Variants in MBD5 observed in about 807,000 individuals in gnomAD.
MBD5 encodes methyl-CpG binding domain protein 5.
Under a neutral mutation model 117.3 loss-of-function variants are expected in MBD5, and 13 were observed. The ratio of observed to expected loss-of-function variants is 0.11; its 90% CI spans 0.07 to 0.18. MBD5 has a LOEUF of 0.18. Ranked by LOEUF, MBD5 falls within the 10% of genes least tolerant of loss-of-function variation. The pLI is 1.00. For missense variants in MBD5, 1,879 were observed against 2,093.8 expected (o/e 0.90, Z 2.00); for synonymous variants, 727 against 766.4 (o/e 0.95, Z 0.85).
At chr2:148,311,198 C>T (rs933708054) in intron 3 of MBD5, among the ~76,000 whole-genome samples, 18 of 152,206 alleles carry the variant, frequency 1.2e-4, no homozygotes, top group Non-Finnish European at 2.2e-4. Flanking sequence ...TCCTGAATAT[C>T]CTTGTTAATT....
chr2:148,200,803 T>C (rs989865625), intron 2 of MBD5, among the ~76,000 whole-genome samples: 2 of 149,562 alleles, frequency 1.3e-5, no homozygotes, highest in Non-Finnish European at 2.9e-5. Context: ...AGGAACACTT[T>C]AAATGTAAGA....
intron 8 of MBD5, among the ~76,000 whole-genome samples, chr2:148,473,810 T>C (rs569691727): frequency 6.6e-6 from 1 of 152,320 alleles, no homozygotes; most frequent in Admixed American, 6.5e-5. Context: ...CAAGGCTTTA[T>C]TAATTCTACT....
At chr2:148,387,502 C>T (rs1045174308) in intron 4 of MBD5, among the ~76,000 whole-genome samples, 1 of 152,042 alleles carries the variant, frequency 6.6e-6, no homozygotes, top group African/African-American at 2.4e-5. Context: ...TACGATTGAA[C>T]ATTTTAGTGG....
rs180958413 is a variant in MBD5, at chr2:148,200,507, C to G, written c.-831+21714C>G. 3.0e-4 allele frequency among the ~76,000 whole-genome samples: 45 copies of G among 152,090 alleles called. No homozygotes were observed. The East Asian group carries it at 8.7e-3, about 29-fold the overall frequency. ...GAGATTGAGACCACCCTGGCTAACA[C>G]AGTGAAACTCCATCTCTGCTAAAAC... On this transcript the variant is annotated intron_variant, in intron 2 of 13. Transcript: ENST00000642680.
intron 3 of MBD5, among the ~76,000 whole-genome samples, chr2:148,235,490 T>C (rs1700072387): frequency 6.6e-6 from 1 of 152,200 alleles, no homozygotes; most frequent in African/African-American, 2.4e-5. Flanking sequence ...TTTATAATTC[T>C]AATCCAAAGT....
In MBD5 at chr2:148,469,705, C is replaced by T. The variant is rs1057522502; in HGVS notation, c.1762C>T (p.Leu588=). Residue 588 remains leucine, a synonymous_variant, in exon 8 of 14, where the codon CTA becomes TTA. Transcript: ENST00000642680. Reference sequence around the variant, plus strand: ...ACTCTCAGCAGCAGCCAAAGCACAGCTAGCAAATCAAAACAAACTTGCTGG... The same window carrying T: ...ACTCTCAGCAGCAGCCAAAGCACAGTTAGCAAATCAAAACAAACTTGCTGG... The part of the protein sequence containing the change: ...SLLSAAAKAQ[L]ANQNKLAGNN... The T allele has an allele frequency of 6.2e-7, 1 of 1,613,930 alleles. No individual in the cohort carries two copies. Among genetic ancestry groups the T allele is most frequent in the East Asian group, 2.2e-5 (1 of 44,872 alleles).
At chr2:148,029,467 G>A (rs1306346670) in intron 1 of MBD5, among the ~76,000 whole-genome samples, 1 of 152,128 alleles carries the variant, frequency 6.6e-6, no homozygotes, top group African/African-American at 2.4e-5. Flanking sequence ...TTAGTCAGGT[G>A]TTCTTACATG....
intron 1 of MBD5, among the ~76,000 whole-genome samples, chr2:148,139,203 G>C (rs545855756): frequency 4.0e-4 from 61 of 151,986 alleles, no homozygotes; most frequent in African/African-American, 1.4e-3. Context: ...TCCCAAGATG[G>C]TTTTTTTAAC....
At position 148,296,863 on chromosome 2, in the gene MBD5, A is replaced by ATTTTTTTTTTTTTTTTTTTT. The variant is rs1559010681; in HGVS notation, c.-679-45351_-679-45350insTTTTTTTTTTTTTTTTTTTT. Among the ~76,000 whole-genome samples the ATTTTTTTTTTTTTTTTTTTT allele has an allele frequency of 1.8e-3, 67 of 37,704 alleles. 19 individuals carry two copies. Among genetic ancestry groups the ATTTTTTTTTTTTTTTTTTTT allele is most frequent in the Non-Finnish European group, 2.7e-3 (51 of 18,958 alleles). 24.7% of individuals were successfully genotyped at this position (37,704 alleles called of 152,430 possible). The stretch of plus-strand genomic sequence containing the variant: ...TAAGCATAGTTTGCTTTAGTTCTTC[A>ATTTTTTTTTTTTTTTTTTTT]ATTTTTTTTTTTTTTTTTTTTGGAG... On this transcript the variant is annotated intron_variant, in intron 3 of 13. Transcript: ENST00000642680.
chr2:148,422,729 G>A (rs558305970), intron 4 of MBD5, among the ~76,000 whole-genome samples: 6 of 152,310 alleles, frequency 3.9e-5, no homozygotes, highest in Admixed American at 3.9e-4. Context: ...CCACTTTAGA[G>A]AAGAACATAA....
chr2:148,361,339 G>A (rs1191181553), intron 4 of MBD5, among the ~76,000 whole-genome samples: 1 of 151,182 alleles, frequency 6.6e-6, no homozygotes, highest in Non-Finnish European at 1.5e-5. Context: ...GACAGAGTGA[G>A]ACTCTGTCTC....
intron 4 of MBD5, among the ~76,000 whole-genome samples, chr2:148,344,603 A>C (rs1485894128): frequency 1.3e-5 from 2 of 151,906 alleles, no homozygotes; most frequent in African/African-American, 4.8e-5. Flanking sequence ...TATGTTCTTC[A>C]TTTGGCTTTC....
chr2:148,418,648 T>C (rs1305398815), intron 4 of MBD5, among the ~76,000 whole-genome samples: 1 of 152,040 alleles, frequency 6.6e-6, no homozygotes. Flanking sequence ...TAAAATAAAA[T>C]ATTTAGGCAT....
At chr2:148,127,514 C>T (rs1218584531) in intron 1 of MBD5, among the ~76,000 whole-genome samples, 1 of 152,128 alleles carries the variant, frequency 6.6e-6, no homozygotes, top group Middle Eastern at 3.2e-3. Flanking sequence ...TATTAGTTTG[C>T]TGAGGATAAC....
At chr2:148,410,126 C>T (rs1020911230) in intron 4 of MBD5, among the ~76,000 whole-genome samples, 2 of 152,130 alleles carry the variant, frequency 1.3e-5, no homozygotes, top group African/African-American at 4.8e-5. Context: ...ACATTACCTT[C>T]CCAGAAGAAT....
intron 1 of MBD5, among the ~76,000 whole-genome samples, chr2:148,046,730 C>G (rs1349868050): frequency 6.6e-6 from 1 of 152,162 alleles, no homozygotes; most frequent in Non-Finnish European, 1.5e-5. Flanking sequence ...TAAGTAATCT[C>G]CTTAGCTAAT....
chr2:148,280,140 AAAAAAAAAAAC>A lies in MBD5; in HGVS notation c.-680+46751_-680+46761del, dbSNP rs1701211100. Among the ~76,000 whole-genome samples, 3 of 150,102 alleles carry A rather than the reference AAAAAAAAAAAC, an allele frequency of 2.0e-5. No homozygotes were observed. The South Asian group carries it at 6.3e-4, about 31-fold the overall frequency. On this transcript the variant is annotated intron_variant, in intron 3 of 13. Coordinates refer to ENST00000642680, the MANE Select transcript of MBD5 (RefSeq NM_001378120.1). ...TTTTAAAAACTAACTGCAAAAAAAA[AAAAAAAAAAAC>A]AAAAAGAAAAAACAGAAAAAAAATT...
intron 3 of MBD5, among the ~76,000 whole-genome samples, chr2:148,256,949 A>G (rs1700605593): frequency 6.6e-6 from 1 of 152,218 alleles, no homozygotes; most frequent in Non-Finnish European, 1.5e-5. Context: ...GTGCCATCCC[A>G]GTTCAGGGGG....
At chr2:148,128,660 G>A (rs559919515) in intron 1 of MBD5, among the ~76,000 whole-genome samples, 3 of 152,220 alleles carry the variant, frequency 2.0e-5, no homozygotes, top group African/African-American at 7.2e-5. Flanking sequence ...TGACTATATG[G>A]TAGATAGTAG....
Sources: gnomAD v4.1 joint callset for allele counts (sites outside exome capture counted in the v4.1 genomes callset) on GRCh38, gnomAD v4.1.1 for gene constraint, MANE v1.5 for transcripts, NCBI Gene and HGNC (gene_info 2026-07-23, HGNC 2026-07-21) for gene names.